Variants in SPATA16 observed in about 807,000 individuals in gnomAD.
SPATA16 encodes the protein spermatogenesis associated 16, also known as spermatogenesis-associated protein 16.
A neutral mutation model predicts 63.3 loss-of-function variants in SPATA16; 36 were observed. The observed-to-expected ratio is 0.57, with a 90% CI of 0.44 to 0.75. SPATA16 has a LOEUF of 0.75. Among genes scored for constraint, SPATA16 ranks in the 30% least tolerant of loss-of-function variants. The pLI is 0.00. For synonymous variants in SPATA16, 203 were observed against 216.7 expected (o/e 0.94, Z 0.56); for missense variants, 646 against 679.3 (o/e 0.95, Z 0.54).
intron 6 of SPATA16, among the ~76,000 whole-genome samples, chr3:172,944,551 G>A (rs886075660): frequency 6.6e-6 from 1 of 152,202 alleles, no homozygotes; most frequent in Non-Finnish European, 1.5e-5. Flanking sequence ...CATGTTCATA[G>A]CAGCATGATT....
intron 10 of SPATA16, among the ~76,000 whole-genome samples, chr3:172,907,929 A>C (rs114892705): frequency 0.021 from 3,168 of 152,258 alleles, 115 homozygotes; most frequent in African/African-American, 0.073. Flanking sequence ...GCTTTTCACC[A>C]GATATTTGCA....
chr3:173,026,373 C>T (rs1211863629), intron 3 of SPATA16, among the ~76,000 whole-genome samples: 1 of 151,780 alleles, frequency 6.6e-6, no homozygotes, highest in Non-Finnish European at 1.5e-5. Flanking sequence ...ATATTTTTCT[C>T]TGAGTCTGTG....
At chr3:173,021,319 A>T (rs1339140863) in intron 3 of SPATA16, among the ~76,000 whole-genome samples, 1 of 152,220 alleles carries the variant, frequency 6.6e-6, no homozygotes, top group Non-Finnish European at 1.5e-5. Flanking sequence ...ATTGTATTAT[A>T]TCACACTGCC....
chr3:172,919,800 C>T (rs1358164746), intron 8 of SPATA16, among the ~76,000 whole-genome samples: 4 of 151,816 alleles, frequency 2.6e-5, no homozygotes, highest in Non-Finnish European at 4.4e-5. Context: ...GCTTCAGCCT[C>T]CTGAATAGCT....
intron 2 of SPATA16, among the ~76,000 whole-genome samples, chr3:173,068,181 C>T (rs2108305015): frequency 6.6e-6 from 1 of 152,218 alleles, no homozygotes; most frequent in Non-Finnish European, 1.5e-5. Flanking sequence ...AGTAAGTATA[C>T]AAACAAACAG....
chr3:172,976,840 T>G (rs1734170703), intron 5 of SPATA16, 128 bp downstream of exon 5: 1 of 755,566 alleles, frequency 1.3e-6, no homozygotes, highest in Admixed American at 2.0e-5. Flanking sequence ...ACATTATTAT[T>G]CAGTACCTTC....
rs1407415889 is a variant in SPATA16 at position 172,937,267 on chromosome 3, G to A, written c.1082-11775C>T. 2.0e-5 allele frequency among the ~76,000 whole-genome samples: 3 copies of A among 152,302 alleles called. No homozygotes were observed. The East Asian group carries it at 5.8e-4, about 29-fold the overall frequency. On this transcript the variant is annotated intron_variant, in intron 6 of 10. Transcript: ENST00000351008. ...GGAGAGAAAGGATGAAATGGTGAGGGAGGAGGAACCTTTGATTGGTTATTC... is the reference window on the plus strand; with the variant it reads ...GGAGAGAAAGGATGAAATGGTGAGGAAGGAGGAACCTTTGATTGGTTATTC...
chr3:173,116,465 T>C (rs1737903560), intron 2 of SPATA16, among the ~76,000 whole-genome samples: 1 of 152,222 alleles, frequency 6.6e-6, no homozygotes, highest in African/African-American at 2.4e-5. Flanking sequence ...CTACCTATTT[T>C]GTGTTTTAGT....
chr3:172,927,231 C>T (rs1732759162), intron 6 of SPATA16, among the ~76,000 whole-genome samples: 1 of 152,170 alleles, frequency 6.6e-6, no homozygotes, highest in East Asian at 1.9e-4. Context: ...CTATACCCTA[C>T]TCACAGATGC....
intron 5 of SPATA16, among the ~76,000 whole-genome samples, chr3:172,962,839 AATG>A (rs1187937858): frequency 3.0e-4 from 45 of 152,232 alleles, no homozygotes; most frequent in South Asian, 1.9e-3. Flanking sequence ...TGCAATTTTA[AATG>A]ATGATAATAA....
intron 2 of SPATA16, among the ~76,000 whole-genome samples, chr3:173,078,131 A>G (rs1577163178): frequency 6.6e-6 from 1 of 152,132 alleles, no homozygotes; most frequent in Non-Finnish European, 1.5e-5. Context: ...TATTATTTTC[A>G]TTTTATAGAT....
At chr3:173,090,776 C>A (rs1737201872) in intron 2 of SPATA16, among the ~76,000 whole-genome samples, 1 of 152,112 alleles carries the variant, frequency 6.6e-6, no homozygotes, top group African/African-American at 2.4e-5. Context: ...AACATAGGAC[C>A]AATGATCTGT....
At chr3:173,012,859 G>T (rs1044565253) in intron 4 of SPATA16, among the ~76,000 whole-genome samples, 2 of 152,128 alleles carry the variant, frequency 1.3e-5, no homozygotes, top group African/African-American at 4.8e-5. Flanking sequence ...TACCATTCTA[G>T]ACATTGGCCT....
chr3:173,059,489 TTTG>T (rs1736325401), intron 2 of SPATA16, among the ~76,000 whole-genome samples: 1 of 151,972 alleles, frequency 6.6e-6, no homozygotes. Context: ...TATATATAAA[TTTG>T]TTGTATGCTT....
At chr3:172,998,925 C>T (rs146154816) in intron 4 of SPATA16, among the ~76,000 whole-genome samples, 2 of 152,034 alleles carry the variant, frequency 1.3e-5, no homozygotes, top group Non-Finnish European at 2.9e-5. Flanking sequence ...ATTCTTTTTA[C>T]GTATTATTGG....
intron 4 of SPATA16, among the ~76,000 whole-genome samples, chr3:172,980,468 T>A (rs565277262): frequency 6.6e-6 from 1 of 152,334 alleles, no homozygotes; most frequent in Admixed American, 6.5e-5. Flanking sequence ...TACTGAATGT[T>A]GTACCTGCAA....
chr3:172,986,414 G>A (rs1047121676), intron 4 of SPATA16, among the ~76,000 whole-genome samples: 1 of 152,086 alleles, frequency 6.6e-6, no homozygotes, highest in South Asian at 2.1e-4. Flanking sequence ...GGTCTAATGA[G>A]GGAGGAAATA....
At chr3:173,117,898 C>T (rs1021604554) in intron 1 of SPATA16, 149 bp from the exon 2 acceptor site, 2 of 1,325,022 alleles carry the variant, frequency 1.5e-6, no homozygotes, top group Non-Finnish European at 2.1e-6. Context: ...AATCTACTGA[C>T]TATTTTAATA....
chr3:173,086,991 G>A (rs1245287416), intron 2 of SPATA16, among the ~76,000 whole-genome samples: 1 of 152,124 alleles, frequency 6.6e-6, no homozygotes, highest in African/African-American at 2.4e-5. Flanking sequence ...GAGCCAAGAA[G>A]AATGTATATT....
Sources: allele counts gnomAD v4.1 joint callset (sites outside exome capture counted in the v4.1 genomes callset), GRCh38; gene constraint gnomAD v4.1.1; transcripts MANE v1.5; gene names NCBI Gene and HGNC (gene_info 2026-07-23, HGNC 2026-07-21).